The following TMEM245 variants were observed in gnomAD, a reference collection of about 807,000 sequenced individuals.
The protein encoded by TMEM245 is transmembrane protein 245.
In TMEM245, 69 loss-of-function variants were observed where a neutral mutation model predicts 101.2. That is an observed-to-expected ratio of 0.68 (90% CI 0.56 to 0.83). The LOEUF (loss-of-function observed/expected upper bound fraction) is 0.83, where lower values mean the gene tolerates loss of function less well. Among genes scored for constraint, TMEM245 ranks in the 40% least tolerant of loss-of-function variants. The probability of loss-of-function intolerance (pLI) is 0.00; values close to 1 mark genes in which losing one functional copy is unlikely to be tolerated. For synonymous variants in TMEM245, 537 were observed against 449.8 expected, an observed-to-expected ratio of 1.19 and a Z score of -2.45; for missense variants, 1,075 against 1,092.8, an observed-to-expected ratio of 0.98 and a Z score of 0.23.
intron 15 of TMEM245, among the ~76,000 whole-genome samples, chr9:109,037,401 G>A (rs1055979948): frequency 2.0e-5 from 3 of 152,148 alleles, no homozygotes; most frequent in African/African-American, 4.8e-5. Context: ...AACTGATACG[G>A]GTTTGGATCT....
intron 1 of TMEM245, among the ~76,000 whole-genome samples, chr9:109,117,118 T>A (rs72607173): frequency 4.0e-5 from 6 of 151,078 alleles, no homozygotes; most frequent in Admixed American, 2.6e-4. Flanking sequence ...GTTTTTTTGG[T>A]TTTTTTTTGA....
chr9:109,015,424 G>A lies in TMEM245; in HGVS notation c.*5036C>T, dbSNP rs1396588659. 2.0e-5 allele frequency: 3 copies of A among 152,184 alleles called. No homozygotes were observed. The highest frequency in any genetic ancestry group is 7.2e-5 in the African/African-American group (3 of 41,430). 9.4% of individuals were successfully genotyped at this position (152,184 alleles called of 1,614,324 possible). ...CAAATTGTACTGGAAATACACTTCA[G>A]TTACCTAAATAAGTGGCACTGCAAA... On this transcript the variant is annotated 3_prime_UTR_variant, in exon 18 of 18. Coordinates refer to ENST00000374586, the MANE Select transcript of TMEM245 (RefSeq NM_032012.4).
At chr9:109,064,003 G>C (rs1039816306) in intron 10 of TMEM245, among the ~76,000 whole-genome samples, 1 of 152,144 alleles carries the variant, frequency 6.6e-6, no homozygotes, top group African/African-American at 2.4e-5. Flanking sequence ...ACGACCACTG[G>C]GAACTGACTC....
rs538378161 is a variant in TMEM245 at position 109,078,671 on chromosome 9, C to A, written c.1449+2168G>T. Among the ~76,000 whole-genome samples, 4 of 152,218 alleles carry A rather than the reference C, an allele frequency of 2.6e-5. No homozygotes were observed. The South Asian group carries it at 8.3e-4, about 32-fold the overall frequency. On this transcript the variant is annotated intron_variant, in intron 8 of 17. Coordinates refer to ENST00000374586, the MANE Select transcript of TMEM245 (RefSeq NM_032012.4). ...TTTCTCTTGCTTCCTTCCAGATTTTCTTTTTATCTTTGTCTTTCGGCAGTT... is the reference window on the plus strand; with the variant it reads ...TTTCTCTTGCTTCCTTCCAGATTTTATTTTTATCTTTGTCTTTCGGCAGTT...
chr9:109,038,058 G>A lies in TMEM245; in HGVS notation c.2183C>T (p.Thr728Ile). 1.2e-6 allele frequency: 2 copies of A among 1,613,286 alleles called. No homozygotes were observed. Among genetic ancestry groups the A allele is most frequent in the Non-Finnish European group, 1.7e-6 (2 of 1,179,606 alleles). Residue 728 changes from threonine to isoleucine, a missense_variant, in exon 15 of 18, where the codon ACT (threonine) becomes ATT (isoleucine). Physicochemically the swap from Thr to Ile is moderately conservative, Grantham distance 89. Coordinates refer to ENST00000374586, the MANE Select transcript of TMEM245 (RefSeq NM_032012.4). The part of the protein sequence containing the change: ...AGFYGLYTWL[T>I]HTMFGINIVF... ...AATATTGATGCCAAACATAGTATGA[G>A]TCAGCCAGGTATACAATCCATAGAA... is the stretch of plus-strand genomic sequence containing the variant.
At chr9:109,060,745 T>C (rs1384814770) in intron 10 of TMEM245, among the ~76,000 whole-genome samples, 3 of 152,230 alleles carry the variant, frequency 2.0e-5, no homozygotes, top group African/African-American at 7.2e-5. Context: ...TTATCTGATC[T>C]TACCTGTCCA....
rs542311064 is a variant in TMEM245 at position 109,065,408 on chromosome 9, A to C, written c.1533-841T>G. On this transcript the variant is annotated intron_variant, in intron 9 of 17. Transcript: ENST00000374586. ...GCAGGTGATACTGATGGCATGCTAC[A>C]GTTTGAGAATCACTAATCTAAGGAA... is the stretch of plus-strand genomic sequence containing the variant. Among the ~76,000 whole-genome samples the C allele has an allele frequency of 5.3e-5, 8 of 152,278 alleles. No homozygotes were observed. The East Asian group carries it at 1.5e-3, about 29-fold the overall frequency.
rs1828975771 is a variant in TMEM245 at position 109,060,413 on chromosome 9, C to T, written c.1663G>A (p.Val555Ile). 6.2e-7 allele frequency: 1 copy of T among 1,613,686 alleles called. No homozygotes were observed. The highest frequency in any genetic ancestry group is 8.5e-7 in the Non-Finnish European group (1 of 1,179,772). The change falls in exon 11 of 18, where the codon GTA (valine) becomes ATA (isoleucine). Residue 555 changes from valine (V) to isoleucine (I), a missense_variant. Val to Ile is a conservative substitution (Grantham distance 29). This residue lies in a region of TMEM245 where 808 missense variants were observed against 741.5 expected (regional missense o/e 1.09). Coordinates refer to ENST00000374586, the MANE Select transcript of TMEM245 (RefSeq NM_032012.4). The stretch of plus-strand genomic sequence containing the variant: ...AGTTCTAGTACTTGCTTTTCAATTA[C>T]AGCAGTATTGTTCACCTTATCTCCT... Reference protein sequence around the residue: ...ILGDKVNNTAVIEKQVLELWD... With the variant: ...ILGDKVNNTAIIEKQVLELWD...
At chr9:109,043,810 A>G (rs1828391453) in intron 14 of TMEM245, among the ~76,000 whole-genome samples, 1 of 152,174 alleles carries the variant, frequency 6.6e-6, no homozygotes, top group South Asian at 2.1e-4. Flanking sequence ...AGACTATTAT[A>G]GAGCAGGATT....
At chr9:109,029,633 G>A (rs572381990) in intron 17 of TMEM245, among the ~76,000 whole-genome samples, 18 of 152,302 alleles carry the variant, frequency 1.2e-4, no homozygotes, top group African/African-American at 4.1e-4. Context: ...ATAAGAGGAT[G>A]TGCTCCACCA....
intron 1 of TMEM245, among the ~76,000 whole-genome samples, chr9:109,111,430 A>C (rs1335358188): frequency 6.6e-6 from 1 of 152,200 alleles, no homozygotes; most frequent in Non-Finnish European, 1.5e-5. Context: ...AATTAGTATC[A>C]TTTGCAAGGA....
chr9:109,092,388 C>A lies in TMEM245; in HGVS notation c.916+1087G>T, dbSNP rs78426953. 8.1e-3 allele frequency among the ~76,000 whole-genome samples: 1,235 copies of A among 152,318 alleles called. 21 individuals are homozygous for A. Among genetic ancestry groups the A allele is most frequent in the African/African-American group, 0.028 (1,144 of 41,572 alleles). On this transcript the variant is annotated intron_variant, in intron 4 of 17. Coordinates refer to ENST00000374586, the MANE Select transcript of TMEM245 (RefSeq NM_032012.4). ...ATTTTTACTACTGAGATCACTTGCA[C>A]CCTGGTAAGTCAGCTCACCTCACTA...
chr9:109,103,661 T>C (rs1830334155), intron 3 of TMEM245, among the ~76,000 whole-genome samples: 1 of 152,196 alleles, frequency 6.6e-6, no homozygotes, highest in African/African-American at 2.4e-5. Context: ...TGTTCTCACT[T>C]ATTTGTGGGA....
At chr9:109,097,716 C>T (rs1830178237) in intron 3 of TMEM245, among the ~76,000 whole-genome samples, 1 of 152,126 alleles carries the variant, frequency 6.6e-6, no homozygotes, top group Non-Finnish European at 1.5e-5. Context: ...GCCAGGAGTT[C>T]CAGACCTGCC....
At chr9:109,085,630 G>GA (rs1295168254) in intron 7 of TMEM245, among the ~76,000 whole-genome samples, 1 of 152,200 alleles carries the variant, frequency 6.6e-6, no homozygotes, top group East Asian at 1.9e-4. Context: ...GTATCAAACA[G>GA]AGAGTTCTCT....
chr9:109,078,789 C>A (rs1276720974), intron 8 of TMEM245, among the ~76,000 whole-genome samples: 3 of 152,198 alleles, frequency 2.0e-5, no homozygotes, highest in Non-Finnish European at 4.4e-5. Flanking sequence ...ATGTTTTTCA[C>A]CAAACATGGG....
At chr9:109,070,362 A>G (rs10979676) in intron 9 of TMEM245, among the ~76,000 whole-genome samples, 20,302 of 152,180 alleles carry the variant, frequency 0.13, 1,580 homozygotes, top group African/African-American at 0.19. Context: ...CTGCTCTTCT[A>G]TTTCCTGTCT....
At chr9:109,065,788 CA>C (rs1339787626) in intron 9 of TMEM245, among the ~76,000 whole-genome samples, 1 of 151,902 alleles carries the variant, frequency 6.6e-6, no homozygotes, top group East Asian at 1.9e-4. Flanking sequence ...AGAGTGAAGC[CA>C]AAAGGTGAAG....
chr9:109,062,895 A>G (rs532027376), intron 10 of TMEM245, among the ~76,000 whole-genome samples: 6 of 151,622 alleles, frequency 4.0e-5, no homozygotes, highest in Admixed American at 3.9e-4. Context: ...ACTTGAGCCT[A>G]GGAGGTGGAA....
Sources: gnomAD v4.1 joint callset for allele counts (sites outside exome capture counted in the v4.1 genomes callset) on GRCh38, gnomAD v4.1.1 for gene constraint, gnomAD v4.1.1 regional missense constraint, MANE v1.5 for transcripts, NCBI Gene and HGNC (gene_info 2026-07-23, HGNC 2026-07-21) for gene names.